ADGRL3: variants seen among roughly 807,000 people sequenced by gnomAD.
ADGRL3 encodes the protein adhesion G protein-coupled receptor L3.
In ADGRL3, 62 loss-of-function variants were observed where a neutral mutation model predicts 153.5. The observed-to-expected ratio is 0.40, with a 90% confidence interval of 0.33 to 0.50. ADGRL3 has a LOEUF of 0.50. Among genes scored for constraint, ADGRL3 ranks in the 20% least tolerant of loss-of-function variants. ADGRL3 has a pLI of 0.47. For missense variants in ADGRL3, 1,641 were observed against 1,859.4 expected, an observed-to-expected ratio of 0.88 and a Z score of 2.16; for synonymous variants, 710 against 672.5, an observed-to-expected ratio of 1.06 and a Z score of -0.86.
At position 61,926,958 on chromosome 4, in the gene ADGRL3, C is replaced by T. The variant is rs1360552793; in HGVS notation, c.2113-7882C>T. ...TGTGCCTGTAAGTACACTCTGTGCC[C>T]TTTGCCTCTTTGTTCAGCGTTGAGT... On this transcript the variant is annotated intron_variant, in intron 13 of 26. Transcript: ENST00000683033. Among the ~76,000 whole-genome samples, 3 of 152,160 alleles carry T rather than the reference C, an allele frequency of 2.0e-5. 1 individual carries two copies. The East Asian group carries it at 5.8e-4, about 29-fold the overall frequency.
intron 5 of ADGRL3, among the ~76,000 whole-genome samples, chr4:61,667,087 C>A (rs893006492): frequency 6.6e-6 from 1 of 152,102 alleles, no homozygotes. Flanking sequence ...ACTCATGTGT[C>A]TGACATAGCT....
At chr4:61,498,713 T>C (rs2098349327) in intron 3 of ADGRL3, among the ~76,000 whole-genome samples, 1 of 152,170 alleles carries the variant, frequency 6.6e-6, no homozygotes, top group Non-Finnish European at 1.5e-5. Flanking sequence ...AATATGATAG[T>C]TTAGAAAGGA....
chr4:61,643,955 C>T (rs1332045707), intron 5 of ADGRL3, among the ~76,000 whole-genome samples: 1 of 108,810 alleles, frequency 9.2e-6, no homozygotes, highest in Non-Finnish European at 1.9e-5. Flanking sequence ...TGATTATTGC[C>T]ACAATTTCAG....
chr4:61,445,179 G>A (rs1578896191), intron 2 of ADGRL3, among the ~76,000 whole-genome samples: 1 of 152,058 alleles, frequency 6.6e-6, no homozygotes, highest in Non-Finnish European at 1.5e-5. Context: ...TATGAGATTG[G>A]TTTTCTTATC....
chr4:61,457,789 A>G (rs1249726518), intron 2 of ADGRL3, among the ~76,000 whole-genome samples: 1 of 151,742 alleles, frequency 6.6e-6, no homozygotes, highest in Non-Finnish European at 1.5e-5. Flanking sequence ...ATTGGGTACA[A>G]TTGAATTTTT....
chr4:61,915,541 G>A (rs929386571), intron 13 of ADGRL3, among the ~76,000 whole-genome samples: 1 of 151,936 alleles, frequency 6.6e-6, no homozygotes, highest in African/African-American at 2.4e-5. Context: ...AATCTCTGGT[G>A]GAAAATTAAT....
chr4:61,910,245 T>TA (rs917509403), intron 12 of ADGRL3, among the ~76,000 whole-genome samples: 3 of 151,898 alleles, frequency 2.0e-5, no homozygotes, highest in East Asian at 1.9e-4. Context: ...AATAAAACTT[T>TA]AAAAAATCTC....
chr4:61,837,935 G>A (rs2097960981), intron 9 of ADGRL3, among the ~76,000 whole-genome samples: 2 of 152,044 alleles, frequency 1.3e-5, no homozygotes, highest in Admixed American at 1.3e-4. Flanking sequence ...TTCCATGGAA[G>A]GTGCTCTCAA....
rs1039634914 is a variant in ADGRL3 at position 61,201,154 on chromosome 4, G to C, written c.-851G>C. 2.6e-5 allele frequency: 4 copies of C among 152,656 alleles called. No individual in the cohort carries two copies. The highest frequency in any genetic ancestry group is 1.3e-4 in the Admixed American group (2 of 15,252). 9.5% of individuals were successfully genotyped at this position (152,656 alleles called of 1,614,324 possible). On this transcript the variant is annotated 5_prime_UTR_variant, in exon 1 of 27. Transcript: ENST00000683033. The stretch of plus-strand genomic sequence containing the variant: ...CGCTCCGAGGCGGAAAGGGGAGGAC[G>C]TGGAAGAAGAAAAAGAAAGAGAAGG...
chr4:61,504,328 GTTCA>G (rs1198741945), intron 3 of ADGRL3, among the ~76,000 whole-genome samples: 5 of 152,028 alleles, frequency 3.3e-5, no homozygotes, highest in Admixed American at 3.3e-4. Flanking sequence ...CCTCAAAGTA[GTTCA>G]TTCATTCAGA....
intron 5 of ADGRL3, among the ~76,000 whole-genome samples, chr4:61,653,168 T>TCACA (rs1485158896): frequency 7.2e-5 from 4 of 55,264 alleles, no homozygotes; most frequent in African/African-American, 2.1e-4. Context: ...TCTCTCTCTC[T>TCACA]CTCACACACA....
intron 9 of ADGRL3, among the ~76,000 whole-genome samples, chr4:61,856,956 C>CTT (rs1341651595): frequency 3.2e-4 from 16 of 49,996 alleles, no homozygotes; most frequent in Non-Finnish European, 2.7e-4. Flanking sequence ...TCTTCTCTTT[C>CTT]TTTCTTTCTT....
intron 22 of ADGRL3, among the ~76,000 whole-genome samples, chr4:62,030,251 A>G (rs1721250870): frequency 1.3e-5 from 2 of 151,702 alleles, no homozygotes; most frequent in African/African-American, 4.8e-5. Flanking sequence ...TGATAAACAT[A>G]TATGATTTTT....
At chr4:61,885,636 A>G (rs2098534192) in intron 9 of ADGRL3, among the ~76,000 whole-genome samples, 1 of 152,192 alleles carries the variant, frequency 6.6e-6, no homozygotes, top group Non-Finnish European at 1.5e-5. Context: ...AGTATTTGGG[A>G]CAAATTAATT....
At chr4:61,987,275 C>T (rs546529082) in intron 19 of ADGRL3, among the ~76,000 whole-genome samples, 1 of 152,064 alleles carries the variant, frequency 6.6e-6, no homozygotes, top group East Asian at 1.9e-4. Context: ...AAGCGATTCT[C>T]CTGACTCAGC....
intron 17 of ADGRL3, among the ~76,000 whole-genome samples, chr4:61,964,620 A>G (rs926097083): frequency 1.3e-5 from 2 of 152,130 alleles, no homozygotes; most frequent in Non-Finnish European, 2.9e-5. Flanking sequence ...AATTCCCACA[A>G]TATCAGTATC....
chr4:61,547,295 G>C (rs1219961238), intron 4 of ADGRL3, among the ~76,000 whole-genome samples: 2 of 151,294 alleles, frequency 1.3e-5, no homozygotes, highest in South Asian at 2.1e-4. Flanking sequence ...TTAGATTTAG[G>C]GATACATGTG....
chr4:62,025,617 G>A (rs549484061), intron 21 of ADGRL3, among the ~76,000 whole-genome samples: 228 of 152,142 alleles, frequency 1.5e-3, no homozygotes, highest in Admixed American at 2.6e-3. Flanking sequence ...TTGAGGAAAA[G>A]CCCACTCAAC....
At chr4:61,930,062 G>A (rs1215896627) in intron 13 of ADGRL3, among the ~76,000 whole-genome samples, 1 of 151,908 alleles carries the variant, frequency 6.6e-6, no homozygotes, top group Non-Finnish European at 1.5e-5. Flanking sequence ...TGTAGTCCCA[G>A]CTACTCGGGA....
Sources: gnomAD v4.1 joint callset for allele counts (sites outside exome capture counted in the v4.1 genomes callset) on GRCh38, gnomAD v4.1.1 for gene constraint, MANE v1.5 for transcripts, NCBI Gene and HGNC (gene_info 2026-07-23, HGNC 2026-07-21) for gene names.